Variants in SHTN1 observed in about 807,000 individuals in gnomAD.
SHTN1 encodes shootin 1.
A neutral mutation model predicts 83.1 loss-of-function variants in SHTN1; 42 were observed. The ratio of observed to expected loss-of-function variants is 0.51; its 90% CI spans 0.39 to 0.65. The LOEUF is 0.65. Among genes scored for constraint, SHTN1 ranks in the 30% least tolerant of loss-of-function variants. The probability of loss-of-function intolerance (pLI) is 0.00; values close to 1 mark genes in which losing one functional copy is unlikely to be tolerated. For missense variants in SHTN1, 622 were observed against 737.8 expected, an observed-to-expected ratio of 0.84 and a Z score of 1.82; for synonymous variants, 224 against 247.7, an observed-to-expected ratio of 0.90 and a Z score of 0.90.
In SHTN1 at chr10:116,917,492, C is replaced by A. The variant is rs551444514; in HGVS notation, c.1196-2008G>T. 5.9e-4 allele frequency among the ~76,000 whole-genome samples: 90 copies of A among 152,130 alleles called. 1 individual carries two copies. In the Middle Eastern group the frequency reaches 0.01, roughly 17 times the overall value. On this transcript the variant is annotated intron_variant, in intron 12 of 16. Coordinates refer to ENST00000355371, the MANE Select transcript of SHTN1 (RefSeq NM_001127211.3). ...CTAATTTTTGTATTTTTAGTAGAGA[C>A]GGGGTTTCACCATAGAAAATACATT...
chr10:116,993,000 TTTTC>T (rs1478301469), intron 1 of SHTN1, among the ~76,000 whole-genome samples: 23 of 136,212 alleles, frequency 1.7e-4, no homozygotes, highest in African/African-American at 5.0e-4. Flanking sequence ...ACATGTTTTC[TTTTC>T]TTTCTTTTTT....
At chr10:116,946,463 A>G (rs945270643) in intron 7 of SHTN1, among the ~76,000 whole-genome samples, 1 of 145,740 alleles carries the variant, frequency 6.9e-6, no homozygotes, top group African/African-American at 2.5e-5. Context: ...ATATGTATAT[A>G]CATATGTATA....
At chr10:116,908,133 T>G (rs891523755) in intron 14 of SHTN1, among the ~76,000 whole-genome samples, 2 of 152,194 alleles carry the variant, frequency 1.3e-5, no homozygotes, top group African/African-American at 4.8e-5. Context: ...AGTAACCTGT[T>G]GTCAGGGAGG....
intron 2 of SHTN1, among the ~76,000 whole-genome samples, chr10:117,028,669 C>T (rs765012658): frequency 6.6e-6 from 1 of 152,148 alleles, no homozygotes; most frequent in East Asian, 1.9e-4. Flanking sequence ...CTTTAGAGGG[C>T]CACTGCTTTA....
intron 2 of SHTN1, among the ~76,000 whole-genome samples, chr10:116,971,415 G>A (rs1474609823): frequency 6.6e-6 from 1 of 152,166 alleles, no homozygotes; most frequent in African/African-American, 2.4e-5. Flanking sequence ...AAATAGTAGA[G>A]TTCTAAATTC....
intron 1 of SHTN1, among the ~76,000 whole-genome samples, chr10:117,085,203 G>A (rs764743497): frequency 3.9e-5 from 6 of 152,086 alleles, no homozygotes; most frequent in Non-Finnish European, 7.4e-5. Context: ...AATTGTATAT[G>A]CTCTTTCTAG....
At chr10:117,078,748 T>A (rs1053689185) in intron 1 of SHTN1, among the ~76,000 whole-genome samples, 24 of 151,942 alleles carry the variant, frequency 1.6e-4, no homozygotes, top group African/African-American at 5.3e-4. Flanking sequence ...ACCAGAAGAG[T>A]AAAAACATGT....
intron 1 of SHTN1, among the ~76,000 whole-genome samples, chr10:117,098,890 C>T (rs1377022780): frequency 6.6e-6 from 1 of 152,046 alleles, no homozygotes; most frequent in Non-Finnish European, 1.5e-5. Context: ...TAACTGTCTC[C>T]TTTTTATCTC....
In SHTN1 at chr10:116,915,474, G is replaced by A. The variant is rs899238852; in HGVS notation, c.1206C>T (p.Val402=). ...KATQPETTEE[V]TDLKRQAVEE... is the part of the protein sequence containing the mutation. ...CAACTGCTTGCCTCTTTAGATCTGT[G>A]ACTTCTTCAGCTGTTCAAAGAACAC... is the stretch of plus-strand genomic sequence containing the variant. The change falls in exon 13 of 17, where the codon GTC becomes GTT. Residue 402 remains valine, a synonymous_variant. Coordinates refer to ENST00000355371, the MANE Select transcript of SHTN1 (RefSeq NM_001127211.3). 5.0e-6 allele frequency: 8 copies of A among 1,585,604 alleles called. No homozygotes were observed. The highest frequency in any genetic ancestry group is 6.9e-6 in the Non-Finnish European group (8 of 1,154,506).
At chr10:116,966,086 A>C (rs534769797) in intron 3 of SHTN1, among the ~76,000 whole-genome samples, 2 of 152,232 alleles carry the variant, frequency 1.3e-5, no homozygotes, top group South Asian at 4.1e-4. Context: ...GGCTTACTGC[A>C]ACCTCCGCCT....
chr10:116,895,958 C>A (rs889859886), intron 16 of SHTN1, among the ~76,000 whole-genome samples: 3 of 152,122 alleles, frequency 2.0e-5, no homozygotes, highest in Non-Finnish European at 4.4e-5. Context: ...AACACAGAAG[C>A]AAATTCCAAA....
At chr10:116,942,959 T>G (rs552571465) in intron 8 of SHTN1, among the ~76,000 whole-genome samples, 1 of 152,336 alleles carries the variant, frequency 6.6e-6, no homozygotes, top group East Asian at 1.9e-4. Flanking sequence ...GTTGAAAACC[T>G]GAGAATGCAT....
At chr10:117,021,940 T>C (rs2133564950) in intron 2 of SHTN1, among the ~76,000 whole-genome samples, 1 of 152,312 alleles carries the variant, frequency 6.6e-6, no homozygotes, top group South Asian at 2.1e-4. Context: ...GATTTACATC[T>C]ATAATCAGTT....
rs1360331844 is a variant in SHTN1 at position 116,884,649 on chromosome 10, C to G, written c.*1695G>C. 1 of 164,140 alleles carries G rather than the reference C, an allele frequency of 6.1e-6. No homozygotes were observed. Among genetic ancestry groups the G allele is most frequent in the Admixed American group, 5.7e-5 (1 of 17,470 alleles). The allele number at this position is 164,140 out of a possible 1,614,324, so 10.2% of individuals were successfully genotyped here. Reference sequence around the variant, plus strand: ...CACAGATGCAAGAAGGAAGACAGCACAAAGAAACATGAAAGAAAACTCAAT... The same window carrying G: ...CACAGATGCAAGAAGGAAGACAGCAGAAAGAAACATGAAAGAAAACTCAAT... On this transcript the variant is annotated 3_prime_UTR_variant, in exon 17 of 17. Transcript: ENST00000355371.
intron 2 of SHTN1, among the ~76,000 whole-genome samples, chr10:117,034,011 AG>A (rs1045320041): frequency 3.3e-5 from 5 of 151,328 alleles, no homozygotes; most frequent in Non-Finnish European, 7.4e-5. Context: ...AACCGGGTAT[AG>A]AAGGAACATA....
intron 3 of SHTN1, among the ~76,000 whole-genome samples, chr10:116,963,038 T>G (rs904931754): frequency 4.1e-4 from 2 of 4,930 alleles, no homozygotes; most frequent in Non-Finnish European, 1.0e-3. Context: ...AATAAAAGTT[T>G]TTTTTTTTTT....
chr10:117,114,784 G>C (rs1158093673), intron 1 of SHTN1, among the ~76,000 whole-genome samples: 1 of 152,174 alleles, frequency 6.6e-6, no homozygotes, highest in Non-Finnish European at 1.5e-5. Flanking sequence ...CCTCTCTCCA[G>C]AGGCGCCTAA....
rs533245506 is a variant in SHTN1, at chr10:116,926,118, C to T, written c.1112+1674G>A. Among the ~76,000 whole-genome samples the T allele has an allele frequency of 3.9e-5, 6 of 152,240 alleles. No homozygotes were observed. The East Asian group carries it at 1.2e-3, about 29-fold the overall frequency. ...AAAGAGCCTTATAAAAGAGTTCACA[C>T]TTGAGACACAAATAGTCCTGAACAT... On this transcript the variant is annotated intron_variant, in intron 11 of 16. Coordinates refer to ENST00000355371, the MANE Select transcript of SHTN1 (RefSeq NM_001127211.3).
intron 16 of SHTN1, among the ~76,000 whole-genome samples, chr10:116,891,233 T>C (rs1847334512): frequency 6.6e-6 from 1 of 152,254 alleles, no homozygotes; most frequent in Non-Finnish European, 1.5e-5. Context: ...TCTGAAAAGC[T>C]GATTGCCAAA....
Sources: allele counts gnomAD v4.1 joint callset (sites outside exome capture counted in the v4.1 genomes callset), GRCh38; gene constraint gnomAD v4.1.1; transcripts MANE v1.5; gene names NCBI Gene and HGNC (gene_info 2026-07-23, HGNC 2026-07-21).